NBPF11: variants seen among roughly 807,000 people sequenced by gnomAD.
NBPF11 encodes NBPF member 11.
NBPF11 carries 72 observed loss-of-function variants against 93.9 expected under a neutral mutation model. The observed-to-expected ratio is 0.77, with a 90% confidence interval of 0.63 to 0.93. The LOEUF (loss-of-function observed/expected upper bound fraction) is 0.93, where lower values mean the gene tolerates loss of function less well. Ranked by LOEUF, NBPF11 falls within the 40% of genes least tolerant of loss-of-function variation. The probability of loss-of-function intolerance (pLI) is 0.00; values close to 1 mark genes in which losing one functional copy is unlikely to be tolerated. For missense variants in NBPF11, 705 were observed against 802.2 expected, an observed-to-expected ratio of 0.88 and a Z score of 1.46; for synonymous variants, 224 against 304.9, an observed-to-expected ratio of 0.73 and a Z score of 2.76.
intron 1 of NBPF11, among the ~76,000 whole-genome samples, chr1:148,148,948 G>C (rs1448843794): frequency 2.0e-5 from 3 of 151,174 alleles, no homozygotes; most frequent in Non-Finnish European, 4.4e-5. Flanking sequence ...GCAGCGCAGG[G>C]AACGGGGCGG....
intron 2 of NBPF11, among the ~76,000 whole-genome samples, chr1:148,140,119 A>G (rs1671936486): frequency 6.6e-6 from 1 of 152,008 alleles, no homozygotes; most frequent in Non-Finnish European, 1.5e-5. Context: ...CGGAGCCCAG[A>G]AGCAGGCCTA....
intron 10 of NBPF11, among the ~76,000 whole-genome samples, chr1:148,120,275 C>G (rs1667520467): frequency 1.3e-5 from 2 of 152,200 alleles, no homozygotes; most frequent in East Asian, 1.9e-4. Context: ...CAATAAATGG[C>G]AGTTTAACTC....
intron 16 of NBPF11, among the ~76,000 whole-genome samples, chr1:148,110,061 T>A (rs71227498): frequency 6.6e-6 from 1 of 151,216 alleles, no homozygotes; most frequent in Admixed American, 6.6e-5. Context: ...GATGAGCTGA[T>A]CTGACAGACA....
intron 10 of NBPF11, among the ~76,000 whole-genome samples, chr1:148,119,572 CCT>C (rs1667351218): frequency 1.3e-5 from 2 of 151,970 alleles, no homozygotes; most frequent in South Asian, 4.2e-4. Flanking sequence ...GATCTTTCTT[CCT>C]CTTTAGGAAC....
At chr1:148,147,827 C>T (rs1290616761) in intron 1 of NBPF11, among the ~76,000 whole-genome samples, 5 of 152,042 alleles carry the variant, frequency 3.3e-5, no homozygotes, top group Non-Finnish European at 7.4e-5. Flanking sequence ...ATGCGGCTTC[C>T]TCGGCCCCTC....
intron 5 of NBPF11, among the ~76,000 whole-genome samples, chr1:148,125,372 C>G (rs1326832827): frequency 6.6e-6 from 1 of 151,966 alleles, no homozygotes; most frequent in Non-Finnish European, 1.5e-5. Flanking sequence ...ATTTCTTGTA[C>G]AGTCAGGAAG....
At chr1:148,111,796 G>A (rs1231959811) in intron 15 of NBPF11, among the ~76,000 whole-genome samples, 3 of 151,528 alleles carry the variant, frequency 2.0e-5, no homozygotes, top group Admixed American at 6.6e-5. Flanking sequence ...TGAAAGTGAC[G>A]GGGAGAATGG....
chr1:148,150,395 C>T (rs1328043824), intron 1 of NBPF11, among the ~76,000 whole-genome samples: 4 of 150,858 alleles, frequency 2.7e-5, no homozygotes, highest in Non-Finnish European at 2.9e-5. Flanking sequence ...TGATCTACCA[C>T]GCCCAGATCA....
At chr1:148,149,529 G>A (rs1241429576) in intron 1 of NBPF11, 7 of 1,593,922 alleles carry the variant, frequency 4.4e-6, no homozygotes, top group East Asian at 2.2e-5. Flanking sequence ...CGCCTGCGTC[G>A]CTTCATCTCC....
intron 2 of NBPF11, among the ~76,000 whole-genome samples, chr1:148,138,368 C>T (rs1279670205): frequency 6.6e-6 from 1 of 151,498 alleles, no homozygotes; most frequent in East Asian, 1.9e-4. Context: ...TACTAATCCT[C>T]CTCAGCACAG....
In NBPF11 at chr1:148,122,772, G is replaced by A. The variant is rs199498940; in HGVS notation, c.523C>T (p.Gln175Ter). 1 of 1,609,978 alleles carries A rather than the reference G, an allele frequency of 6.2e-7. No homozygotes were observed. The highest frequency in any genetic ancestry group is 8.5e-7 in the Non-Finnish European group (1 of 1,177,674). The change falls in exon 8 of 24, where the codon CAA becomes TAA. Residue 175 changes from glutamine (Q) to a stop codon, truncating the protein, a stop_gained. Coordinates refer to ENST00000682118, the MANE Select transcript of NBPF11 (RefSeq NM_001385469.3). LOFTEE classifies it high-confidence loss of function. ...ENDEDEDEDV[Q>*]VEEDEKVLES... is the part of the protein sequence containing the mutation. ...AGTACTTTCTCATCCTCCTCAACTT[G>A]AACATCTTCATCCTCATCTTCGTCA... is the stretch of plus-strand genomic sequence containing the variant.
chr1:148,146,792 G>T, intron 1 of NBPF11: 5 of 1,613,370 alleles, frequency 3.1e-6, no homozygotes, highest in South Asian at 2.2e-5. Flanking sequence ...TTCTACATTG[G>T]CCTGGGCTCC....
chr1:148,131,917 T>G (rs1490335794), intron 4 of NBPF11, among the ~76,000 whole-genome samples: 9 of 103,286 alleles, frequency 8.7e-5, no homozygotes, highest in African/African-American at 2.3e-4. Context: ...CTCACCAACA[T>G]GTGCTATTTT....
At chr1:148,134,132 G>A (rs3992734) in intron 4 of NBPF11, among the ~76,000 whole-genome samples, 15 of 151,920 alleles carry the variant, frequency 9.9e-5, no homozygotes, top group Admixed American at 6.5e-4. Flanking sequence ...TTACATGCAC[G>A]CCGCTGTTCC....
At chr1:148,124,872 C>A (rs587633267) in intron 6 of NBPF11, 27 bp downstream of exon 6, 1 of 1,605,238 alleles carries the variant, frequency 6.2e-7, no homozygotes, top group African/African-American at 1.3e-5. Context: ...ACCTACCTGC[C>A]TGTCTCCCCC....
intron 3 of NBPF11, among the ~76,000 whole-genome samples, chr1:148,137,263 A>G (rs1181638475): frequency 6.6e-5 from 10 of 151,850 alleles, no homozygotes; most frequent in African/African-American, 9.7e-5. Flanking sequence ...AGGACTCCAT[A>G]AGTTGTTATT....
At chr1:148,108,863 A>ACACG (rs1664509783) in intron 17 of NBPF11, among the ~76,000 whole-genome samples, 1 of 148,872 alleles carries the variant, frequency 6.7e-6, no homozygotes, top group Admixed American at 6.7e-5. Context: ...ACACACACAC[A>ACACG]CACACACACA....
chr1:148,108,280 C>G (rs1326537505), intron 18 of NBPF11, among the ~76,000 whole-genome samples: 13 of 151,706 alleles, frequency 8.6e-5, no homozygotes, highest in Non-Finnish European at 1.8e-4. Context: ...TGGCCTGAGA[C>G]TAGGAAGAGA....
In NBPF11 at chr1:148,103,316, A is replaced by G; in HGVS notation, c.*580T>C. On this transcript the variant is annotated 3_prime_UTR_variant, in exon 24 of 24. Transcript: ENST00000682118. ...TAACACCTTTGGATGAGCTAAACAC[A>G]AAGATGACACTGACCTTGAGCAGGT... The G allele has an allele frequency of 2.7e-6, 1 of 367,052 alleles. No individual in the cohort carries two copies. The highest frequency in any genetic ancestry group is 2.5e-5 in the South Asian group (1 of 40,776). The allele number at this position is 367,052 out of a possible 1,614,324, so 22.7% of individuals were successfully genotyped here.
Sources: allele counts gnomAD v4.1 joint callset (sites outside exome capture counted in the v4.1 genomes callset), GRCh38; gene constraint gnomAD v4.1.1; transcripts MANE v1.5; gene names NCBI Gene and HGNC (gene_info 2026-07-23, HGNC 2026-07-21).